Variants in RABGAP1L observed in about 807,000 individuals in gnomAD.
The protein encoded by RABGAP1L is rab GTPase-activating protein 1-like.
In RABGAP1L, 63 loss-of-function variants were observed where a neutral mutation model predicts 137.7. That is an observed-to-expected ratio of 0.46 (90% CI 0.37 to 0.56). RABGAP1L has a LOEUF of 0.56. Among genes scored for constraint, RABGAP1L ranks in the 20% least tolerant of loss-of-function variants. The pLI is 0.00. For missense variants in RABGAP1L, 1,095 were observed against 1,244.0 expected (o/e 0.88, Z 1.80); for synonymous variants, 431 against 433.7 (o/e 0.99, Z 0.08).
At chr1:174,691,148 A>T (rs183156077) in intron 15 of RABGAP1L, among the ~76,000 whole-genome samples, 5 of 152,128 alleles carry the variant, frequency 3.3e-5, no homozygotes, top group African/African-American at 1.2e-4. Context: ...TGTTGAAGAA[A>T]ATTGGGAATA....
At chr1:174,786,658 T>C (rs1004284743) in intron 18 of RABGAP1L, among the ~76,000 whole-genome samples, 2 of 152,346 alleles carry the variant, frequency 1.3e-5, no homozygotes, top group Middle Eastern at 3.4e-3. Flanking sequence ...TATTTTCTTA[T>C]GGATTTTATG....
At chr1:174,810,435 A>G (rs1481809525) in intron 18 of RABGAP1L, among the ~76,000 whole-genome samples, 1 of 152,240 alleles carries the variant, frequency 6.6e-6, no homozygotes. Flanking sequence ...GCTAGTCATG[A>G]TAATGACTTG....
chr1:174,837,757 A>AT (rs1453389772), intron 19 of RABGAP1L, among the ~76,000 whole-genome samples: 28 of 152,326 alleles, frequency 1.8e-4, no homozygotes, highest in African/African-American at 6.0e-4. Flanking sequence ...GAATGATGGC[A>AT]TTGTTAGCAT....
At chr1:174,564,543 GC>G (rs1173670473) in intron 13 of RABGAP1L, among the ~76,000 whole-genome samples, 1 of 152,126 alleles carries the variant, frequency 6.6e-6, no homozygotes, top group Admixed American at 6.6e-5. Flanking sequence ...AAAGTAGGCT[GC>G]CAGGGTTAAA....
At chr1:174,315,266 T>G (rs1679260143) in intron 11 of RABGAP1L, among the ~76,000 whole-genome samples, 1 of 152,200 alleles carries the variant, frequency 6.6e-6, no homozygotes, top group Non-Finnish European at 1.5e-5. Flanking sequence ...GAGTTTTCTG[T>G]CTTGAAGTCT....
intron 11 of RABGAP1L, among the ~76,000 whole-genome samples, chr1:174,364,380 A>T (rs1271096520): frequency 2.1e-4 from 30 of 142,614 alleles, no homozygotes; most frequent in Admixed American, 1.9e-3. Context: ...TCAGCCTCCC[A>T]AGTAGCTGGG....
At chr1:174,960,618 G>A (rs1669004468) in intron 20 of RABGAP1L, among the ~76,000 whole-genome samples, 1 of 151,804 alleles carries the variant, frequency 6.6e-6, no homozygotes, top group South Asian at 2.1e-4. Context: ...GAATTTTATG[G>A]TATGTGAATT....
intron 14 of RABGAP1L, among the ~76,000 whole-genome samples, chr1:174,678,365 A>G (rs1677795400): frequency 6.6e-6 from 1 of 152,172 alleles, no homozygotes; most frequent in African/African-American, 2.4e-5. Context: ...CACTTGTTTT[A>G]TAAGGCCAGC....
chr1:174,437,996 C>A (rs573769716), intron 13 of RABGAP1L, among the ~76,000 whole-genome samples: 96 of 152,180 alleles, frequency 6.3e-4, no homozygotes, highest in African/African-American at 2.2e-3. Context: ...GAGAAATAAA[C>A]TCCTTTACAG....
chr1:174,965,244 TCTGAAA>T (rs1669515577), intron 20 of RABGAP1L, among the ~76,000 whole-genome samples: 1 of 152,200 alleles, frequency 6.6e-6, no homozygotes, highest in African/African-American at 2.4e-5. Flanking sequence ...TGTAATCTTT[TCTGAAA>T]GGCAAGAGGG....
In RABGAP1L at chr1:174,239,763, A is replaced by T. The variant is rs550483818; in HGVS notation, c.543-1720A>T. Among the ~76,000 whole-genome samples, 6 of 152,318 alleles carry T rather than the reference A, an allele frequency of 3.9e-5. No individual in the cohort carries two copies. In the South Asian group the frequency reaches 1.2e-3, roughly 32 times the overall value. ...GCAAATATTTGCTGAATGAACAAAT[A>T]AGCAGACCAGGTCAAGGAAATGAGG... On this transcript the variant is annotated intron_variant, in intron 4 of 25. Transcript: ENST00000681986.
intron 23 of RABGAP1L, among the ~76,000 whole-genome samples, chr1:174,982,568 C>T (rs760764360): frequency 6.6e-6 from 1 of 152,210 alleles, no homozygotes; most frequent in Non-Finnish European, 1.5e-5. Context: ...TCACTTGAAC[C>T]AGTCACAGAA....
intron 21 of RABGAP1L, among the ~76,000 whole-genome samples, chr1:174,975,457 C>T (rs143568652): frequency 2.7e-4 from 41 of 152,252 alleles, no homozygotes; most frequent in Non-Finnish European, 5.7e-4. Flanking sequence ...TCCATATTTC[C>T]ATTTTCTTCA....
intron 19 of RABGAP1L, among the ~76,000 whole-genome samples, chr1:174,889,506 G>T (rs1159617143): frequency 1.3e-5 from 2 of 151,950 alleles, no homozygotes; most frequent in African/African-American, 4.8e-5. Flanking sequence ...CTGCAGCCTC[G>T]AACTCCTGGG....
At chr1:174,700,025 C>T (rs1254174763) in intron 16 of RABGAP1L, among the ~76,000 whole-genome samples, 2 of 152,030 alleles carry the variant, frequency 1.3e-5, no homozygotes, top group African/African-American at 4.8e-5. Context: ...TTTGAGTCCA[C>T]GTAGAACACT....
chr1:174,435,400 T>C (rs533808192), intron 13 of RABGAP1L, among the ~76,000 whole-genome samples: 3 of 152,304 alleles, frequency 2.0e-5, no homozygotes, highest in South Asian at 4.2e-4. Flanking sequence ...AGTTTCAATT[T>C]TTTTTTGTTT....
At chr1:174,304,882 C>A in intron 10 of RABGAP1L, 104 bp from the exon 11 acceptor site, 1 of 1,061,118 alleles carries the variant, frequency 9.4e-7, no homozygotes, top group Non-Finnish European at 1.3e-6. Context: ...AAACACAACA[C>A]GCCATTCTTC....
chr1:174,217,855 A>G (rs976417494), intron 1 of RABGAP1L, among the ~76,000 whole-genome samples: 8 of 152,198 alleles, frequency 5.3e-5, no homozygotes, highest in African/African-American at 1.9e-4. Context: ...ACTTGAAGCT[A>G]GACTCATTCT....
intron 17 of RABGAP1L, among the ~76,000 whole-genome samples, chr1:174,732,201 C>CAAA (rs35666280): frequency 2.2e-3 from 315 of 145,020 alleles, no homozygotes; most frequent in African/African-American, 6.4e-3. Flanking sequence ...CCATCCCCCC[C>CAAA]AAAAAAAAAA....
Sources: allele counts gnomAD v4.1 joint callset (sites outside exome capture counted in the v4.1 genomes callset), GRCh38; gene constraint gnomAD v4.1.1; transcripts MANE v1.5; gene names NCBI Gene and HGNC (gene_info 2026-07-23, HGNC 2026-07-21).